Variants in DENND5A observed in about 807,000 individuals in gnomAD.
The protein encoded by DENND5A is DENN domain containing 5A.
DENND5A carries 64 observed loss-of-function variants against 140.3 expected under a neutral mutation model. The observed-to-expected ratio is 0.46, with a 90% CI of 0.37 to 0.56. The LOEUF is 0.56. DENND5A is among the 20% of genes least tolerant of loss of function. The pLI, the probability that DENND5A is intolerant of heterozygous loss-of-function variation, is 0.00. For synonymous variants in DENND5A, 605 were observed against 607.7 expected (o/e 1.00, Z 0.07); for missense variants, 1,292 against 1,593.8 (o/e 0.81, Z 3.22).
chr11:9,257,303 C>T (rs1590347431), intron 1 of DENND5A, among the ~76,000 whole-genome samples: 1 of 151,018 alleles, frequency 6.6e-6, no homozygotes, highest in East Asian at 2.0e-4. Context: ...GCCCTCAATG[C>T]TTCTTTAAAT....
chr11:9,241,509 C>T (rs1431836678), intron 1 of DENND5A, among the ~76,000 whole-genome samples: 6 of 152,214 alleles, frequency 3.9e-5, no homozygotes, highest in Admixed American at 3.9e-4. Flanking sequence ...CTTCCCACCA[C>T]TTGTCCCCTC....
chr11:9,264,944 G>T lies in DENND5A; in HGVS notation c.109+17C>A. 6.5e-7 allele frequency: 1 copy of T among 1,540,466 alleles called. No homozygotes were observed. On this transcript the variant is annotated intron_variant, in intron 1 of 22. Coordinates refer to ENST00000328194, the MANE Select transcript of DENND5A (RefSeq NM_015213.4). ...CAGCGGGCGCGGGAAAGCGCCCCGG[G>T]CTCGGCGCGCACTCACCCGACAGCT...
At chr11:9,193,707 A>C in intron 4 of DENND5A, 26 bp from the exon 5 acceptor site, 1 of 1,582,002 alleles carries the variant, frequency 6.3e-7, no homozygotes, top group Non-Finnish European at 8.6e-7. Context: ...CAAAAAAAGC[A>C]CACACACAAA....
At chr11:9,180,606 T>A (rs1042564810) in intron 6 of DENND5A, among the ~76,000 whole-genome samples, 161 bp downstream of exon 6, 1 of 152,210 alleles carries the variant, frequency 6.6e-6, no homozygotes, top group Non-Finnish European at 1.5e-5. Context: ...TAGGATAACA[T>A]CTGCCAGATG....
intron 13 of DENND5A, among the ~76,000 whole-genome samples, chr11:9,151,786 G>C (rs1590210425): frequency 1.3e-5 from 2 of 152,168 alleles, no homozygotes; most frequent in South Asian, 4.1e-4. Context: ...AGCTCACTTT[G>C]TGATCTTAAG....
At position 9,179,091 on chromosome 11, in the gene DENND5A, G is replaced by T; in HGVS notation, c.1456-18C>A. On this transcript the variant is annotated intron_variant, in intron 6 of 22. Transcript: ENST00000328194. ...ACTTCCAACTACAAAAAAAGAAAAA[G>T]CAGTTGAGAACACATACACTTTTTC... 1 of 1,609,128 alleles carries T rather than the reference G, an allele frequency of 6.2e-7. No individual in the cohort carries two copies.
chr11:9,261,752 G>A (rs1852208623), intron 1 of DENND5A, among the ~76,000 whole-genome samples: 1 of 137,646 alleles, frequency 7.3e-6, no homozygotes, highest in Non-Finnish European at 1.5e-5. Flanking sequence ...CATTCCAGCT[G>A]GGGCAACAGA....
chr11:9,152,956 C>G (rs1847672297), intron 12 of DENND5A, among the ~76,000 whole-genome samples: 2 of 150,930 alleles, frequency 1.3e-5, no homozygotes, highest in Admixed American at 6.6e-5. Context: ...CTAGATCGCA[C>G]CATTGCACTC....
At chr11:9,199,314 T>C (rs1849447586) in intron 4 of DENND5A, among the ~76,000 whole-genome samples, 1 of 151,920 alleles carries the variant, frequency 6.6e-6, no homozygotes, top group African/African-American at 2.4e-5. Context: ...CTGGGCAACA[T>C]GGCAAAACCT....
intron 1 of DENND5A, among the ~76,000 whole-genome samples, chr11:9,225,534 C>T (rs984972824): frequency 6.6e-6 from 1 of 152,092 alleles, no homozygotes; most frequent in African/African-American, 2.4e-5. Context: ...CTGAAGCCAG[C>T]CGATCACTTG....
intron 1 of DENND5A, among the ~76,000 whole-genome samples, chr11:9,247,334 T>C (rs887095529): frequency 1.3e-5 from 2 of 152,086 alleles, no homozygotes; most frequent in African/African-American, 4.8e-5. Context: ...GTAAAAGCCT[T>C]TCTTTCAATG....
intron 12 of DENND5A, among the ~76,000 whole-genome samples, 185 bp downstream of exon 12, chr11:9,160,528 T>C (rs772824732): frequency 3.3e-5 from 5 of 152,260 alleles, no homozygotes; most frequent in Non-Finnish European, 7.3e-5. Flanking sequence ...CACAGATTTA[T>C]AAAGCCTATC....
chr11:9,206,084 T>C (rs1013633982), intron 3 of DENND5A, among the ~76,000 whole-genome samples: 1 of 152,220 alleles, frequency 6.6e-6, no homozygotes, highest in South Asian at 2.1e-4. Flanking sequence ...GTTTATTTAA[T>C]ACTACCCATG....
intron 4 of DENND5A, among the ~76,000 whole-genome samples, chr11:9,196,136 A>G (rs578150844): frequency 6.6e-6 from 1 of 152,238 alleles, no homozygotes; most frequent in African/African-American, 2.4e-5. Flanking sequence ...TATTTTTAGT[A>G]GAGAAGGAGT....
At chr11:9,217,812 T>C (rs1850153357) in intron 1 of DENND5A, among the ~76,000 whole-genome samples, 1 of 152,150 alleles carries the variant, frequency 6.6e-6, no homozygotes, top group Non-Finnish European at 1.5e-5. Context: ...GGCATGCTAG[T>C]AAAATACAGT....
chr11:9,239,019 A>T (rs1275455580), intron 1 of DENND5A, among the ~76,000 whole-genome samples: 3 of 149,972 alleles, frequency 2.0e-5, no homozygotes, highest in Non-Finnish European at 4.4e-5. Context: ...TTTAGTAGAG[A>T]CCAGGTTTCA....
At chr11:9,243,098 A>AAC (rs1268360457) in intron 1 of DENND5A, among the ~76,000 whole-genome samples, 2 of 138,450 alleles carry the variant, frequency 1.4e-5, no homozygotes, top group Non-Finnish European at 3.0e-5. Context: ...AAAAAAAAAA[A>AAC]AAAAAACAAA....
intron 1 of DENND5A, among the ~76,000 whole-genome samples, chr11:9,208,594 A>G (rs1326748066): frequency 6.6e-6 from 1 of 152,194 alleles, no homozygotes; most frequent in Non-Finnish European, 1.5e-5. Flanking sequence ...TACTGCTTTT[A>G]TAACTACAAT....
intron 1 of DENND5A, among the ~76,000 whole-genome samples, chr11:9,230,988 AAAAC>A (rs749290140): frequency 1.1e-4 from 16 of 152,216 alleles, no homozygotes; most frequent in Non-Finnish European, 1.5e-4. Flanking sequence ...TGTCAAAAAC[AAAAC>A]AAACAAACAA....
Sources: allele counts gnomAD v4.1 joint callset (sites outside exome capture counted in the v4.1 genomes callset), GRCh38; gene constraint gnomAD v4.1.1; transcripts MANE v1.5; gene names NCBI Gene and HGNC (gene_info 2026-07-23, HGNC 2026-07-21).